DIPK1A: variants seen among roughly 807,000 people sequenced by gnomAD.
The protein encoded by DIPK1A is divergent protein kinase domain 1A.
Under a neutral mutation model 40.8 loss-of-function variants are expected in DIPK1A, and 27 were observed. That is an observed-to-expected ratio of 0.66 (90% CI 0.49 to 0.91). The LOEUF is 0.91. Ranked by LOEUF, DIPK1A falls within the 40% of genes least tolerant of loss-of-function variation. The pLI, the probability that DIPK1A is intolerant of heterozygous loss-of-function variation, is 0.00. For synonymous variants in DIPK1A, 166 were observed against 171.3 expected (o/e 0.97, Z 0.24); for missense variants, 412 against 505.7 (o/e 0.81, Z 1.78).
At chr1:92,855,337 TG>T (rs1687948740) in intron 2 of DIPK1A, among the ~76,000 whole-genome samples, 1 of 151,866 alleles carries the variant, frequency 6.6e-6, no homozygotes, top group Non-Finnish European at 1.5e-5. Flanking sequence ...ACCAAGATAC[TG>T]AATATAAATA....
intron 2 of DIPK1A, among the ~76,000 whole-genome samples, chr1:92,873,030 A>G (rs1459362349): frequency 6.6e-6 from 1 of 152,134 alleles, no homozygotes; most frequent in Non-Finnish European, 1.5e-5. Context: ...CCGCCAACAT[A>G]AGGTTTCTGC....
intron 1 of DIPK1A, among the ~76,000 whole-genome samples, chr1:92,891,244 T>C (rs1467497356): frequency 6.6e-6 from 1 of 152,102 alleles, no homozygotes; most frequent in African/African-American, 2.4e-5. Context: ...GGTTTACCAA[T>C]TTTGTTTGTC....
chr1:92,846,908 CGTGT>C lies in DIPK1A; in HGVS notation c.474+271_474+274del, dbSNP rs1420489220. On this transcript the variant is annotated intron_variant, in intron 4 of 4. Coordinates refer to ENST00000370310, the MANE Select transcript of DIPK1A (RefSeq NM_001006605.5). ...ACACACACACGTATATATATATATA[CGTGT>C]ATATATATATATATATAGCTGAGGT... 4.5e-4 allele frequency among the ~76,000 whole-genome samples: 32 copies of C among 71,214 alleles called. 3 individuals carry two copies. Among genetic ancestry groups the C allele is most frequent in the Non-Finnish European group, 7.5e-4 (28 of 37,510 alleles). The allele number at this position is 71,214 out of a possible 152,430, so 46.7% of individuals were successfully genotyped here.
At chr1:92,920,901 A>AT (rs1208116044) in intron 1 of DIPK1A, among the ~76,000 whole-genome samples, 1 of 152,170 alleles carries the variant, frequency 6.6e-6, no homozygotes, top group Non-Finnish European at 1.5e-5. Context: ...GTGGCAGTAG[A>AT]TTTTGCATAG....
chr1:92,896,168 T>A (rs942402075), intron 1 of DIPK1A, among the ~76,000 whole-genome samples: 4 of 152,114 alleles, frequency 2.6e-5, no homozygotes, highest in Non-Finnish European at 4.4e-5. Context: ...AAAGTTCATA[T>A]GGAACCAAAA....
chr1:92,897,492 A>G (rs967122708), intron 1 of DIPK1A, among the ~76,000 whole-genome samples: 5 of 144,464 alleles, frequency 3.5e-5, no homozygotes, highest in African/African-American at 1.3e-4. Flanking sequence ...AACATCACAC[A>G]CCGGGGCCTG....
intron 4 of DIPK1A, chr1:92,834,989 TGGA>T (rs1687061417): frequency 2.5e-6 from 4 of 1,586,306 alleles, no homozygotes; most frequent in Admixed American, 1.7e-5. Flanking sequence ...TGTTTGTACA[TGGA>T]TAAGATAGCT....
intron 4 of DIPK1A, chr1:92,834,998 T>A: frequency 3.8e-6 from 6 of 1,577,216 alleles, no homozygotes; most frequent in Non-Finnish European, 4.3e-6. Flanking sequence ...ATGGATAAGA[T>A]AGCTTAAGTT....
intron 1 of DIPK1A, among the ~76,000 whole-genome samples, chr1:92,907,320 A>G (rs111574725): frequency 1.3e-5 from 2 of 152,338 alleles, no homozygotes; most frequent in African/African-American, 4.8e-5. Context: ...TTAAAAATAC[A>G]TTAAAATATT....
chr1:92,880,748 T>C (rs1557467044), intron 1 of DIPK1A, among the ~76,000 whole-genome samples: 5 of 152,196 alleles, frequency 3.3e-5, no homozygotes, highest in Admixed American at 3.3e-4. Context: ...CGTGCACCTG[T>C]AATCCCAGCC....
intron 1 of DIPK1A, among the ~76,000 whole-genome samples, chr1:92,899,776 C>A (rs1216714881): frequency 6.6e-6 from 1 of 152,160 alleles, no homozygotes; most frequent in African/African-American, 2.4e-5. Flanking sequence ...TATCTTTTCA[C>A]TTCCAGAGAT....
At chr1:92,884,380 G>C (rs1197272830) in intron 1 of DIPK1A, among the ~76,000 whole-genome samples, 1 of 152,010 alleles carries the variant, frequency 6.6e-6, no homozygotes. Flanking sequence ...TTAAGCCCAG[G>C]AGTTCAAGGC....
chr1:92,897,450 G>A (rs1236132057), intron 1 of DIPK1A, among the ~76,000 whole-genome samples: 2 of 151,550 alleles, frequency 1.3e-5, no homozygotes, highest in East Asian at 1.9e-4. Context: ...GGTGGGAATT[G>A]AACAATGAGA....
chr1:92,889,889 A>G (rs1298135574), intron 1 of DIPK1A, among the ~76,000 whole-genome samples: 1 of 152,146 alleles, frequency 6.6e-6, no homozygotes, highest in African/African-American at 2.4e-5. Context: ...AGCTCAAGCA[A>G]TGTGCCTGCC....
chr1:92,848,101 A>G (rs1159065127), intron 3 of DIPK1A, among the ~76,000 whole-genome samples: 1 of 152,166 alleles, frequency 6.6e-6, no homozygotes, highest in African/African-American at 2.4e-5. Flanking sequence ...CTATCATTAT[A>G]CTTATTTCAC....
Position 92,843,661 on chromosome 1 carries a change from A to G in DIPK1A, c.1009T>C (p.Cys337Arg). 1 of 1,551,812 alleles carries G rather than the reference A, an allele frequency of 6.4e-7. No individual in the cohort carries two copies. Among genetic ancestry groups the G allele is most frequent in the East Asian group, 2.4e-5 (1 of 40,920 alleles). ...KDRHCESDLD[C>R]VYGTDCRTSC... Reference sequence around the variant, plus strand: ...GTTCTACAATCTGTGCCATAGACACAGTCCAAATCAGACTCACAGTGACGA... The same window carrying G: ...GTTCTACAATCTGTGCCATAGACACGGTCCAAATCAGACTCACAGTGACGA... The change falls in exon 5 of 5, where the codon TGT becomes CGT. Residue 337 changes from cysteine (C) to arginine (R), a missense_variant. Coordinates refer to ENST00000370310, the MANE Select transcript of DIPK1A (RefSeq NM_001006605.5).
intron 1 of DIPK1A, among the ~76,000 whole-genome samples, chr1:92,898,083 A>G (rs1649257003): frequency 6.6e-6 from 1 of 152,060 alleles, no homozygotes; most frequent in Admixed American, 6.6e-5. Flanking sequence ...TGGGCAACAG[A>G]GCGAGACTCC....
At chr1:92,879,125 A>G (rs1648262530) in intron 1 of DIPK1A, among the ~76,000 whole-genome samples, 2 of 152,140 alleles carry the variant, frequency 1.3e-5, no homozygotes, top group Non-Finnish European at 2.9e-5. Flanking sequence ...GGTTGCAGTG[A>G]GCCAAGATCG....
At chr1:92,863,418 G>A (rs1647369852) in intron 2 of DIPK1A, among the ~76,000 whole-genome samples, 1 of 151,962 alleles carries the variant, frequency 6.6e-6, no homozygotes, top group African/African-American at 2.4e-5. Flanking sequence ...AGACATGAAG[G>A]CCACCAGAAG....
Sources: gnomAD v4.1 joint callset for allele counts (sites outside exome capture counted in the v4.1 genomes callset) on GRCh38, gnomAD v4.1.1 for gene constraint, MANE v1.5 for transcripts, NCBI Gene and HGNC (gene_info 2026-07-23, HGNC 2026-07-21) for gene names.